Variants in FHIT observed in about 807,000 individuals in gnomAD.
FHIT encodes bis(5'-adenosyl)-triphosphatase.
A neutral mutation model predicts 17.9 loss-of-function variants in FHIT; 19 were observed. The ratio of observed to expected loss-of-function variants is 1.06; its 90% CI spans 0.74 to 1.56. The LOEUF (loss-of-function observed/expected upper bound fraction) is 1.56. Among genes scored for constraint, FHIT ranks in the 40% most tolerant of loss-of-function variants. The probability of loss-of-function intolerance (pLI) is 0.00; values close to 1 mark genes in which losing one functional copy is unlikely to be tolerated. For synonymous variants in FHIT, 81 were observed against 69.7 expected, an observed-to-expected ratio of 1.16 and a Z score of -0.81; for missense variants, 248 against 189.2, an observed-to-expected ratio of 1.31 and a Z score of -1.82.
intron 8 of FHIT, among the ~76,000 whole-genome samples, chr3:59,821,536 C>T (rs565304366): frequency 2.4e-4 from 36 of 152,176 alleles, no homozygotes; most frequent in Non-Finnish European, 4.7e-4. Context: ...GGGATGCTAA[C>T]TGGAATCACC....
intron 5 of FHIT, among the ~76,000 whole-genome samples, chr3:60,295,267 A>G (rs1431125557): frequency 6.6e-6 from 1 of 152,134 alleles, no homozygotes; most frequent in African/African-American, 2.4e-5. Flanking sequence ...CTCTTAAAAA[A>G]TAGATATAAA....
chr3:60,338,527 A>G (rs1710355881), intron 5 of FHIT, among the ~76,000 whole-genome samples: 1 of 152,164 alleles, frequency 6.6e-6, no homozygotes, highest in South Asian at 2.1e-4. Flanking sequence ...TCCATAGTAT[A>G]TATGTCAGAT....
chr3:60,418,735 G>C (rs1330077194), intron 5 of FHIT, among the ~76,000 whole-genome samples: 1 of 150,486 alleles, frequency 6.6e-6, no homozygotes, highest in South Asian at 2.1e-4. Flanking sequence ...CTCCAGCATG[G>C]GGAACAAAGT....
intron 5 of FHIT, among the ~76,000 whole-genome samples, chr3:60,381,485 A>AAAAAGAAAAGAAAAG (rs571124759): frequency 1.3e-5 from 2 of 152,062 alleles, no homozygotes; most frequent in South Asian, 4.1e-4. Flanking sequence ...TCTCAAAAAA[A>AAAAAGAAAAGAAAAG]AAAAGAAAAG....
chr3:60,285,546 C>T (rs1243217213), intron 5 of FHIT, among the ~76,000 whole-genome samples: 2 of 152,130 alleles, frequency 1.3e-5, no homozygotes, highest in East Asian at 1.9e-4. Context: ...AGTCCCTCCC[C>T]ACTTGTTCAA....
intron 5 of FHIT, among the ~76,000 whole-genome samples, chr3:60,330,439 A>T (rs1208996367): frequency 2.0e-5 from 3 of 152,142 alleles, no homozygotes; most frequent in Non-Finnish European, 2.9e-5. Context: ...CCACCGGTAT[A>T]AAGAAATCCA....
At chr3:61,006,386 C>A (rs1194226796) in intron 3 of FHIT, among the ~76,000 whole-genome samples, 1 of 152,042 alleles carries the variant, frequency 6.6e-6, no homozygotes, top group Non-Finnish European at 1.5e-5. Flanking sequence ...ACAGCAACAT[C>A]AATGACCATA....
chr3:60,205,936 G>A (rs150713210), intron 5 of FHIT, among the ~76,000 whole-genome samples: 126 of 150,908 alleles, frequency 8.3e-4, no homozygotes, highest in African/African-American at 2.6e-3. Context: ...GTGAAACCCC[G>A]TCTCTACTAA....
intron 3 of FHIT, among the ~76,000 whole-genome samples, chr3:61,001,297 G>T (rs1463811677): frequency 2.0e-5 from 3 of 152,174 alleles, no homozygotes; most frequent in Non-Finnish European, 4.4e-5. Context: ...CCCAGAAGTG[G>T]CACTCTCGGG....
intron 5 of FHIT, among the ~76,000 whole-genome samples, chr3:60,166,198 G>A (rs932485699): frequency 6.6e-6 from 1 of 152,036 alleles, no homozygotes; most frequent in Admixed American, 6.6e-5. Flanking sequence ...AAAAAATAGG[G>A]TTGTCAAAGC....
At chr3:59,781,380 G>C (rs999348316) in intron 8 of FHIT, among the ~76,000 whole-genome samples, 2 of 152,182 alleles carry the variant, frequency 1.3e-5, no homozygotes, top group Non-Finnish European at 2.9e-5. Context: ...AACTTTCTTA[G>C]CTGTGCTACT....
intron 3 of FHIT, among the ~76,000 whole-genome samples, chr3:60,967,947 A>T (rs1709828854): frequency 6.6e-6 from 1 of 152,254 alleles, no homozygotes; most frequent in African/African-American, 2.4e-5. Context: ...AACTGTAGGT[A>T]AATAAAAGTA....
At chr3:59,834,208 T>G (rs1701261391) in intron 8 of FHIT, among the ~76,000 whole-genome samples, 1 of 152,190 alleles carries the variant, frequency 6.6e-6, no homozygotes, top group African/African-American at 2.4e-5. Context: ...TCATTTACTT[T>G]AGGTGATTTC....
intron 5 of FHIT, among the ~76,000 whole-genome samples, chr3:60,423,245 G>T (rs1215019850): frequency 6.6e-6 from 1 of 152,092 alleles, no homozygotes; most frequent in African/African-American, 2.4e-5. Flanking sequence ...AGAGAATTCA[G>T]ATTTCACTGC....
chr3:61,141,070 A>C (rs913922487), intron 2 of FHIT, among the ~76,000 whole-genome samples: 2 of 152,156 alleles, frequency 1.3e-5, no homozygotes, highest in African/African-American at 4.8e-5. Flanking sequence ...TGTTCAACAC[A>C]CCCAGAACAC....
At chr3:59,802,270 G>T (rs1039591870) in intron 8 of FHIT, among the ~76,000 whole-genome samples, 2 of 152,016 alleles carry the variant, frequency 1.3e-5, no homozygotes, top group African/African-American at 4.8e-5. Context: ...TCAGACAGAA[G>T]CCTGTGTGTG....
At chr3:60,176,369 A>T (rs540353818) in intron 5 of FHIT, among the ~76,000 whole-genome samples, 2 of 152,270 alleles carry the variant, frequency 1.3e-5, no homozygotes, top group African/African-American at 4.8e-5. Context: ...CAACAACAAC[A>T]ACAAAAGCCA....
intron 5 of FHIT, among the ~76,000 whole-genome samples, chr3:60,167,417 TAC>T (rs145160694): frequency 3.3e-5 from 5 of 152,084 alleles, no homozygotes; most frequent in African/African-American, 4.8e-5. Context: ...TGCATATGTG[TAC>T]ACACACACAC....
At chr3:60,195,148 A>G (rs1391214508) in intron 5 of FHIT, among the ~76,000 whole-genome samples, 5 of 152,096 alleles carry the variant, frequency 3.3e-5, no homozygotes, top group African/African-American at 1.2e-4. Context: ...CCTGGGGGAC[A>G]AGAATGAGAC....
Sources: allele counts gnomAD v4.1 joint callset (sites outside exome capture counted in the v4.1 genomes callset), GRCh38; gene constraint gnomAD v4.1.1; transcripts MANE v1.5; gene names NCBI Gene and HGNC (gene_info 2026-07-23, HGNC 2026-07-21).